The following HSD17B11 variants were observed in gnomAD, a reference collection of about 807,000 sequenced individuals.
The protein encoded by HSD17B11 is estradiol 17-beta-dehydrogenase 11.
A neutral mutation model predicts 27.8 loss-of-function variants in HSD17B11; 22 were observed. The ratio of observed to expected loss-of-function variants is 0.79; its 90% CI spans 0.56 to 1.13. The LOEUF is 1.13. HSD17B11 is among the 50% of genes most tolerant of loss of function. The pLI is 0.00. For synonymous variants in HSD17B11, 117 were observed against 132.8 expected (o/e 0.88, Z 0.82); for missense variants, 314 against 351.1 (o/e 0.89, Z 0.84).
chr4:87,383,134 G>A (rs2110132893), intron 1 of HSD17B11, among the ~76,000 whole-genome samples: 1 of 152,214 alleles, frequency 6.6e-6, no homozygotes, highest in Non-Finnish European at 1.5e-5. Flanking sequence ...GCAGGGTGTG[G>A]GCAATGACAG....
intron 2 of HSD17B11, among the ~76,000 whole-genome samples, chr4:87,381,743 AG>A (rs1280329436): frequency 7.2e-6 from 1 of 138,954 alleles, no homozygotes; most frequent in African/African-American, 2.8e-5. Context: ...TGGGTAACAG[AG>A]TGAGACCCCC....
At chr4:87,337,513 ATAT>A in intron 6 of HSD17B11, 147 bp from the exon 7 acceptor site, 1 of 571,854 alleles carries the variant, frequency 1.7e-6, no homozygotes, top group Non-Finnish European at 3.1e-6. Context: ...TCACTACTAT[ATAT>A]TCTTTCCCAT....
intron 1 of HSD17B11, among the ~76,000 whole-genome samples, chr4:87,387,820 A>G (rs1280404020): frequency 3.9e-5 from 6 of 152,176 alleles, no homozygotes; most frequent in Non-Finnish European, 8.8e-5. Context: ...AACTCACTAC[A>G]TTGTCCTCAA....
At chr4:87,382,966 T>A (rs1268771965) in intron 1 of HSD17B11, among the ~76,000 whole-genome samples, 1 of 152,210 alleles carries the variant, frequency 6.6e-6, no homozygotes, top group Non-Finnish European at 1.5e-5. Context: ...TAATAAAAGA[T>A]TGAATATTGG....
At position 87,390,788 on chromosome 4, in the gene HSD17B11, T is replaced by C. The variant is rs558800501; in HGVS notation, c.210+73A>G. Reference sequence around the variant, plus strand: ...TGCTTTGCAGAGATGAGGTAAAGGGTGGTTGCCAGCAAAATGCAGACACAT... The same window carrying C: ...TGCTTTGCAGAGATGAGGTAAAGGGCGGTTGCCAGCAAAATGCAGACACAT... On this transcript the variant is annotated intron_variant, in intron 1 of 6. Coordinates refer to ENST00000358290, the MANE Select transcript of HSD17B11 (RefSeq NM_016245.5). 7.1e-5 allele frequency: 94 copies of C among 1,328,570 alleles called. No individual in the cohort carries two copies. The East Asian group carries it at 2.0e-3, about 28-fold the overall frequency. The allele number at this position is 1,328,570 out of a possible 1,614,324, so 82.3% of individuals were successfully genotyped here.
At chr4:87,348,916 G>A (rs1735299601) in intron 5 of HSD17B11, among the ~76,000 whole-genome samples, 1 of 23,098 alleles carries the variant, frequency 4.3e-5, no homozygotes, top group Non-Finnish European at 7.7e-5. Flanking sequence ...TTGGCTCTCT[G>A]TTTGTCTGTT....
intron 4 of HSD17B11, among the ~76,000 whole-genome samples, chr4:87,364,143 T>TG (rs1003853406): frequency 1.3e-5 from 2 of 151,534 alleles, no homozygotes; most frequent in Non-Finnish European, 2.9e-5. Flanking sequence ...TATTTTTGTT[T>TG]TTTTGTTTTG....
At chr4:87,344,603 G>A (rs1007267273) in intron 5 of HSD17B11, among the ~76,000 whole-genome samples, 1 of 152,178 alleles carries the variant, frequency 6.6e-6, no homozygotes, top group African/African-American at 2.4e-5. Context: ...GAACTAGACA[G>A]AAGACCAGCA....
intron 5 of HSD17B11, among the ~76,000 whole-genome samples, chr4:87,342,643 T>A (rs1029043577): frequency 6.6e-6 from 1 of 152,074 alleles, no homozygotes; most frequent in African/African-American, 2.4e-5. Context: ...ACTGGGACAA[T>A]TGAGAAGTAT....
At chr4:87,381,996 A>C (rs147636136) in intron 2 of HSD17B11, among the ~76,000 whole-genome samples, 2 of 152,200 alleles carry the variant, frequency 1.3e-5, no homozygotes, top group African/African-American at 4.8e-5. Flanking sequence ...CAACCTACTG[A>C]AAGAAAATCT....
intron 2 of HSD17B11, among the ~76,000 whole-genome samples, chr4:87,375,085 G>T (rs1470920221): frequency 6.6e-6 from 1 of 152,094 alleles, no homozygotes; most frequent in Non-Finnish European, 1.5e-5. Context: ...TTTTAGTAGA[G>T]ATTGGATTTC....
chr4:87,359,681 T>C (rs1201511051), intron 4 of HSD17B11, among the ~76,000 whole-genome samples: 1 of 152,226 alleles, frequency 6.6e-6, no homozygotes, highest in African/African-American at 2.4e-5. Flanking sequence ...AATAATTATT[T>C]TGTTTAATCT....
At chr4:87,372,090 A>G (rs1313995960) in intron 4 of HSD17B11, among the ~76,000 whole-genome samples, 1 of 151,996 alleles carries the variant, frequency 6.6e-6, no homozygotes, top group Non-Finnish European at 1.5e-5. Flanking sequence ...AAAATACAAA[A>G]AAAGTAGCCA....
At chr4:87,385,982 C>T (rs1169063419) in intron 1 of HSD17B11, 1 of 151,136 alleles carries the variant, frequency 6.6e-6, no homozygotes, top group Non-Finnish European at 1.5e-5. Flanking sequence ...TATTTCCTTA[C>T]ATGAACAAAT....
chr4:87,378,781 G>C (rs1719979951), intron 2 of HSD17B11, among the ~76,000 whole-genome samples: 1 of 114,480 alleles, frequency 8.7e-6, no homozygotes, highest in African/African-American at 3.1e-5. Context: ...TGTTTTGCGT[G>C]TATATATATA....
rs1253667974 is a variant in HSD17B11 at position 87,343,234 on chromosome 4, G to C, written c.696-2628C>G. Among the ~76,000 whole-genome samples, 5 of 152,212 alleles carry C rather than the reference G, an allele frequency of 3.3e-5. No homozygotes were observed. In the East Asian group the frequency reaches 7.7e-4, roughly 23 times the overall value. On this transcript the variant is annotated intron_variant, in intron 5 of 6. Coordinates refer to ENST00000358290, the MANE Select transcript of HSD17B11 (RefSeq NM_016245.5). ...ATAATTTTAAAAGCCAAAAGAAAAG[G>C]CTTTCAGAAAAAACTCAATTTCTTA...
intron 2 of HSD17B11, among the ~76,000 whole-genome samples, chr4:87,381,775 A>G (rs1420398154): frequency 2.9e-5 from 4 of 139,052 alleles, no homozygotes; most frequent in Non-Finnish European, 6.4e-5. Context: ...AAAAAAAAAA[A>G]AGAGAAAAGA....
Position 87,391,061 on chromosome 4 carries a change from GA to G in HSD17B11, c.9del (p.Leu4PhefsTer11). ...GGGAGAAGCAGGAGGATGTCCAGAA[GA>G]AATTTCATCCCTTTTGTGGCTGCGA... MK[F>X]LLDILLLLPL... On this transcript the variant is annotated frameshift_variant, in exon 1 of 7. Coordinates refer to ENST00000358290, the MANE Select transcript of HSD17B11 (RefSeq NM_016245.5). LOFTEE classifies it high-confidence loss of function. The G allele has an allele frequency of 2.5e-6, 4 of 1,611,302 alleles. No homozygotes were observed. The highest frequency in any genetic ancestry group is 3.4e-6 in the Non-Finnish European group (4 of 1,178,662).
chr4:87,357,618 T>C (rs1027481493), intron 4 of HSD17B11, among the ~76,000 whole-genome samples: 4 of 152,204 alleles, frequency 2.6e-5, no homozygotes, highest in Admixed American at 6.5e-5. Context: ...AGCCCTGACA[T>C]AGAAGATTTA....
Sources: gnomAD v4.1 joint callset for allele counts (sites outside exome capture counted in the v4.1 genomes callset) on GRCh38, gnomAD v4.1.1 for gene constraint, MANE v1.5 for transcripts, NCBI Gene and HGNC (gene_info 2026-07-23, HGNC 2026-07-21) for gene names.